STAB1: variants seen among roughly 807,000 people sequenced by gnomAD.
STAB1 encodes stabilin-1.
A neutral mutation model predicts 332.4 loss-of-function variants in STAB1; 250 were observed. That is an observed-to-expected ratio of 0.75 (90% CI 0.68 to 0.84). STAB1 has a LOEUF of 0.84. Among genes scored for constraint, STAB1 ranks in the 40% least tolerant of loss-of-function variants. The probability of loss-of-function intolerance (pLI) is 0.00; values close to 1 mark genes in which losing one functional copy is unlikely to be tolerated. For synonymous variants in STAB1, 1,475 were observed against 1,390.4 expected (o/e 1.06, Z -1.35); for missense variants, 3,249 against 3,489.7 (o/e 0.93, Z 1.74).
At chr3:52,514,085 G>A (rs1461782802) in intron 32 of STAB1, 30 bp from the exon 33 acceptor site, 1 of 1,610,616 alleles carries the variant, frequency 6.2e-7, no homozygotes, top group Non-Finnish European at 8.5e-7. Flanking sequence ...CAACTAATAT[G>A]CCCATCCCTG....
chr3:52,510,382 C>T lies in STAB1; in HGVS notation c.2662C>T (p.His888Tyr). ...ECVPGSLGTH[H>Y]CTCHKGWSGD... is the part of the protein sequence containing the mutation. ...TGTCCCTGGGTCCCTGGGCACCCACCACTGCACATGCCACAAAGGCTGGAG... is the reference window on the plus strand; with the variant it reads ...TGTCCCTGGGTCCCTGGGCACCCACTACTGCACATGCCACAAAGGCTGGAG... Residue 888 changes from histidine (H) to tyrosine (Y), a missense_variant, in exon 25 of 69, where the codon CAC becomes TAC. By Grantham distance (83) the His-to-Tyr change is moderately conservative. Coordinates refer to ENST00000321725, the MANE Select transcript of STAB1 (RefSeq NM_015136.3). 1 of 1,614,064 alleles carries T rather than the reference C, an allele frequency of 6.2e-7. No individual in the cohort carries two copies. Among genetic ancestry groups the T allele is most frequent in the Non-Finnish European group, 8.5e-7 (1 of 1,180,034 alleles).
intron 36 of STAB1, 140 bp from the exon 37 acceptor site, chr3:52,515,283 C>T (rs1168480526): frequency 1.1e-5 from 10 of 914,380 alleles, no homozygotes; most frequent in Non-Finnish European, 1.4e-5. Flanking sequence ...CATCAGTCTG[C>T]CTGTCTTGGT....
Position 52,518,852 on chromosome 3 carries a change from C to T in STAB1, c.5017C>T (p.Arg1673Cys). 6.3e-7 allele frequency: 1 copy of T among 1,598,990 alleles called. No homozygotes were observed. Reference sequence around the variant, plus strand: ...CACGGCCCTCTCAGGGCACCCACTGCGCTTCAGCGAGAGGGAGGTGAGCCC... The same window carrying T: ...CACGGCCCTCTCAGGGCACCCACTGTGCTTCAGCGAGAGGGAGGTGAGCCC... ...YATALSGHPL[R>C]FSEREGSIYL... Residue 1673 changes from arginine to cysteine, a missense_variant, in exon 48 of 69, where the codon CGC becomes TGC. By Grantham distance (180) the Arg-to-Cys change is radical. Coordinates refer to ENST00000321725, the MANE Select transcript of STAB1 (RefSeq NM_015136.3).
chr3:52,516,821 C>T (rs779154456), intron 41 of STAB1, 53 bp downstream of exon 41: 8 of 1,592,268 alleles, frequency 5.0e-6, no homozygotes, highest in Non-Finnish European at 5.1e-6. Context: ...GGTGGCTGTC[C>T]CCACAGAGCC....
chr3:52,497,365 G>A (rs1708110157), intron 1 of STAB1, among the ~76,000 whole-genome samples: 1 of 150,062 alleles, frequency 6.7e-6, no homozygotes, highest in Non-Finnish European at 1.5e-5. Flanking sequence ...ATGACTTAAG[G>A]TATACGGGAG....
At position 52,503,761 on chromosome 3, in the gene STAB1, T is replaced by C; in HGVS notation, c.892-11T>C. On this transcript the variant is annotated splice_polypyrimidine_tract_variant and intron_variant, in intron 8 of 68. Transcript: ENST00000321725. ...GACGTGGTGTTCCCCTCCTGCCCTG[T>C]CGGGGGCCAGGCCTTCTGCACCTGC... 6.2e-7 allele frequency: 1 copy of C among 1,612,892 alleles called. No homozygotes were observed. Among genetic ancestry groups the C allele is most frequent in the African/African-American group, 1.3e-5 (1 of 75,038 alleles).
Position 52,502,168 on chromosome 3 carries a change from C to T in STAB1, c.427C>T (p.Arg143Cys), listed in dbSNP as rs201275556. The T allele has an allele frequency of 2.6e-5, 42 of 1,613,340 alleles. No individual in the cohort carries two copies. The highest frequency in any genetic ancestry group is 1.6e-4 in the East Asian group (7 of 44,892). Residue 143 changes from arginine (R) to cysteine (C), a missense_variant, in exon 5 of 69, where the codon CGC becomes TGC. Transcript: ENST00000321725. ...GTGCATCCACCACCAGGAAAACTTC[C>T]GCGGCTCAGCCTGCCAGGAGTGCCA... is the stretch of plus-strand genomic sequence containing the variant. ...NGTCVCQENF[R>C]GSACQECQDP...
Position 52,505,094 on chromosome 3 carries a change from T to G in STAB1, c.1469T>G (p.Val490Gly). Residue 490 changes from valine (V) to glycine (G), a missense_variant, in exon 13 of 69, where the codon GTC becomes GGC. Physicochemically the swap from Val to Gly is moderately radical, Grantham distance 109. Coordinates refer to ENST00000321725, the MANE Select transcript of STAB1 (RefSeq NM_015136.3). ...NIAANGVFHV[V>G]TGLRWQAPSG... ...GCAGCTAATGGCGTCTTCCACGTGGTCACTGGCCTGCGGTGGCAGGCCCCC... is the reference window on the plus strand; with the variant it reads ...GCAGCTAATGGCGTCTTCCACGTGGGCACTGGCCTGCGGTGGCAGGCCCCC... 1 of 1,613,642 alleles carries G rather than the reference T, an allele frequency of 6.2e-7. No homozygotes were observed.
chr3:52,516,869 C>G (rs2078885420), intron 41 of STAB1, 101 bp downstream of exon 41: 2 of 1,596,980 alleles, frequency 1.3e-6, no homozygotes, highest in Non-Finnish European at 1.7e-6. Flanking sequence ...CCTCACTGTC[C>G]CATCTCAGGA....
chr3:52,512,400 G>T lies in STAB1; in HGVS notation c.2943G>T (p.Gly981=), dbSNP rs770363859. 1.2e-6 allele frequency: 2 copies of T among 1,610,604 alleles called. No individual in the cohort carries two copies. Among genetic ancestry groups the T allele is most frequent in the Non-Finnish European group, 1.7e-6 (2 of 1,178,944 alleles). The change falls in exon 27 of 69, where the codon GGG becomes GGT. Residue 981 remains glycine (G), a synonymous_variant. Transcript: ENST00000321725. ...TCTGCACGTGCCCCCCTGGCTTTGGGGGTGATGGCTTCAGCTGTTATGGAG... is the reference window on the plus strand; with the variant it reads ...TCTGCACGTGCCCCCCTGGCTTTGGTGGTGATGGCTTCAGCTGTTATGGAG... ...QRVCTCPPGF[G]GDGFSCYGDI...
intron 48 of STAB1, 26 bp from the exon 49 acceptor site, chr3:52,519,238 T>A: frequency 6.2e-7 from 1 of 1,601,112 alleles, no homozygotes; most frequent in Non-Finnish European, 8.5e-7. Context: ...CCTATCTGCT[T>A]CATCAGCCCC....
rs372194478 is a variant in STAB1 at position 52,514,017 on chromosome 3, G to A, written c.3447+36G>A. On this transcript the variant is annotated intron_variant, in intron 32 of 68. Coordinates refer to ENST00000321725, the MANE Select transcript of STAB1 (RefSeq NM_015136.3). ...CTGGCAAGAGGGGATGTGCCTGCTC[G>A]GGGGACACTGTGCCCCAGGTCCAGA... 1.3e-4 allele frequency: 203 copies of A among 1,592,886 alleles called. 3 individuals carry two copies. The highest frequency in any genetic ancestry group is 9.0e-4 in the African/African-American group (67 of 74,680).
chr3:52,521,705 G>A lies in STAB1; in HGVS notation c.6163+5G>A. 1 of 1,612,468 alleles carries A rather than the reference G, an allele frequency of 6.2e-7. No individual in the cohort carries two copies. The highest frequency in any genetic ancestry group is 1.3e-5 in the African/African-American group (1 of 75,048). On this transcript the variant is annotated splice_donor_5th_base_variant and intron_variant, in intron 57 of 68. Transcript: ENST00000321725. ...CACGCTGTGAGGTGCAACTGGGTGA[G>A]TAGCCCCGTGCTCGTGCCCACCCTA...
chr3:52,500,323 C>A (rs547305583), intron 1 of STAB1, among the ~76,000 whole-genome samples: 1 of 152,380 alleles, frequency 6.6e-6, no homozygotes, highest in East Asian at 1.9e-4. Flanking sequence ...CCACCTCCCT[C>A]AGGAAACCAC....
rs1333292168 is a variant in STAB1, at chr3:52,501,823, G to A, written c.331+70G>A. ...CCAGCTCTGGGCAAGCCCTCTGCAG[G>A]AGCCACCTGCATTCCCCTTCAACTT... is the stretch of plus-strand genomic sequence containing the variant. On this transcript the variant is annotated intron_variant, in intron 3 of 68. Coordinates refer to ENST00000321725, the MANE Select transcript of STAB1 (RefSeq NM_015136.3). 3.2e-5 allele frequency: 47 copies of A among 1,454,700 alleles called. No homozygotes were observed. The East Asian group carries it at 1.1e-3, about 35-fold the overall frequency. 90.1% of individuals were successfully genotyped at this position (1,454,700 alleles called of 1,614,324 possible). A position where few individuals can be genotyped will look rare whatever the true frequency, so the allele number is the denominator to read the frequency against.
chr3:52,502,326 C>G, intron 5 of STAB1, 98 bp downstream of exon 5: 3 of 1,323,820 alleles, frequency 2.3e-6, no homozygotes, highest in Non-Finnish European at 2.1e-6. Flanking sequence ...CCTTCAGCCT[C>G]TGTCCCAGCC....
chr3:52,499,878 G>A lies in STAB1; in HGVS notation c.79-1288G>A, dbSNP rs1172147424. Among the ~76,000 whole-genome samples, 14 of 103,154 alleles carry A rather than the reference G, an allele frequency of 1.4e-4. No individual in the cohort carries two copies. In the South Asian group the frequency reaches 2.2e-3, roughly 16 times the overall value. 67.7% of individuals were successfully genotyped at this position (103,154 alleles called of 152,430 possible). A position where few individuals can be genotyped will look rare whatever the true frequency, so the allele number is the denominator to read the frequency against. On this transcript the variant is annotated intron_variant, in intron 1 of 68. Transcript: ENST00000321725. ...CCCGCCACTGCACTCCAGCCTGGGC[G>A]ACAGAGCGAGACTCCATCTCAAAAA...
chr3:52,510,945 C>T (rs980297335), intron 25 of STAB1, among the ~76,000 whole-genome samples: 10 of 152,214 alleles, frequency 6.6e-5, no homozygotes, highest in Non-Finnish European at 1.3e-4. Context: ...GACTGTCTAA[C>T]GCGCCAAGTG....
At position 52,513,891 on chromosome 3, in the gene STAB1, GC is replaced by G; in HGVS notation, c.3364del (p.Arg1122GlufsTer108). Reference protein sequence around the residue: ...VLHILSQVLLPPRGDVPGGQG... With the variant: ...VLHILSQVLLXPRGDVPGGQG... ...CCTGTGCTCTGTACCAGGTCTTACT[GC>G]CCCCCCGAGGGGATGTGCCCGGTGG... On this transcript the variant is annotated frameshift_variant, in exon 32 of 69. Coordinates refer to ENST00000321725, the MANE Select transcript of STAB1 (RefSeq NM_015136.3). LOFTEE classifies it high-confidence loss of function. 3.7e-6 allele frequency: 6 copies of G among 1,604,854 alleles called. No individual in the cohort carries two copies. The highest frequency in any genetic ancestry group is 1.7e-5 in the Admixed American group (1 of 59,788).
Sources: gnomAD v4.1 joint callset for allele counts (sites outside exome capture counted in the v4.1 genomes callset) on GRCh38, gnomAD v4.1.1 for gene constraint, MANE v1.5 for transcripts, NCBI Gene and HGNC (gene_info 2026-07-23, HGNC 2026-07-21) for gene names.